The following PCDHGA7 variants were observed in gnomAD, a reference collection of about 807,000 sequenced individuals.
The protein encoded by PCDHGA7 is protocadherin gamma-A7.
Under a neutral mutation model 58.3 loss-of-function variants are expected in PCDHGA7, and 44 were observed. The observed-to-expected ratio is 0.75, with a 90% CI of 0.59 to 0.97. The LOEUF is 0.97. PCDHGA7 is among the 50% of genes least tolerant of loss of function. The pLI, the probability that PCDHGA7 is intolerant of heterozygous loss-of-function variation, is 0.00. For missense variants in PCDHGA7, 1,266 were observed against 1,188.7 expected, an observed-to-expected ratio of 1.06 and a Z score of -0.96; for synonymous variants, 516 against 504.2, an observed-to-expected ratio of 1.02 and a Z score of -0.31.
At chr5:141,438,630 A>ATG (rs2098034686) in intron 1 of PCDHGA7, among the ~76,000 whole-genome samples, 1 of 38,920 alleles carries the variant, frequency 2.6e-5, no homozygotes, top group Non-Finnish European at 4.2e-5. Flanking sequence ...ATATATATAT[A>ATG]TATATACACA....
chr5:141,502,634 T>C (rs1306951640), intron 2 of PCDHGA7, among the ~76,000 whole-genome samples: 1 of 152,228 alleles, frequency 6.6e-6, no homozygotes. Flanking sequence ...CTGTGGATGA[T>C]ACTTTGAGAT....
At chr5:141,452,421 C>A (rs1211472567) in intron 1 of PCDHGA7, among the ~76,000 whole-genome samples, 2 of 152,180 alleles carry the variant, frequency 1.3e-5, no homozygotes, top group Non-Finnish European at 2.9e-5. Context: ...ATGCTCACTG[C>A]TAATGGGCTG....
intron 1 of PCDHGA7, chr5:141,404,921 A>G: frequency 6.2e-7 from 1 of 1,613,804 alleles, no homozygotes; most frequent in South Asian, 1.1e-5. Context: ...TCTCTCGGCC[A>G]CTGTCACGCT....
Position 141,447,955 on chromosome 5 carries a change from G to A in PCDHGA7, c.2425-46852G>A, listed in dbSNP as rs536740280. On this transcript the variant is annotated intron_variant, in intron 1 of 3. Coordinates refer to ENST00000518325, the MANE Select transcript of PCDHGA7 (RefSeq NM_018920.4). ...ACAAAAATTAGCTGGGCATGGTGGC[G>A]GACACCTATAATCCCAGCTACTCGG... Among the ~76,000 whole-genome samples the A allele has an allele frequency of 1.6e-4, 24 of 151,898 alleles. 1 individual carries two copies. The highest frequency in any genetic ancestry group is 8.3e-4 in the South Asian group (4 of 4,816).
intron 1 of PCDHGA7, among the ~76,000 whole-genome samples, chr5:141,464,983 C>G (rs1294132264): frequency 6.6e-6 from 1 of 152,050 alleles, no homozygotes; most frequent in African/African-American, 2.4e-5. Flanking sequence ...TTCAAGTGAT[C>G]CTCCCACCTC....
chr5:141,488,040 G>A (rs1212272063), intron 1 of PCDHGA7, among the ~76,000 whole-genome samples: 1 of 152,112 alleles, frequency 6.6e-6, no homozygotes, highest in Non-Finnish European at 1.5e-5. Flanking sequence ...CATTTCCCAA[G>A]GGATTGAGGG....
At chr5:141,413,661 T>G (rs2095664313) in intron 1 of PCDHGA7, 1 of 1,613,886 alleles carries the variant, frequency 6.2e-7, no homozygotes. Flanking sequence ...CGGAAGCTAT[T>G]GATCCGGATG....
chr5:141,414,799 G>A, intron 1 of PCDHGA7: 1 of 1,614,214 alleles, frequency 6.2e-7, no homozygotes, highest in Non-Finnish European at 8.5e-7. Context: ...CAGCGACAGC[G>A]GGGATCCTCC....
At chr5:141,467,564 G>A (rs926613546) in intron 1 of PCDHGA7, among the ~76,000 whole-genome samples, 5 of 152,152 alleles carry the variant, frequency 3.3e-5, no homozygotes, top group Admixed American at 3.3e-4. Flanking sequence ...TTCCCAAATG[G>A]CTATCCAGTT....
At chr5:141,408,912 A>G (rs772751015) in intron 1 of PCDHGA7, 4 of 1,613,594 alleles carry the variant, frequency 2.5e-6, no homozygotes, top group Middle Eastern at 1.6e-4. Flanking sequence ...GATACCAATG[A>G]TAACCCCCCG....
At chr5:141,388,424 G>A (rs77505166) in intron 1 of PCDHGA7, 76,970 of 1,613,794 alleles carry the variant, frequency 0.048, 2,026 homozygotes, top group South Asian at 0.077. Context: ...ATTTCTCACT[G>A]ATAAATAAAG....
intron 1 of PCDHGA7, chr5:141,392,860 T>C (rs726684): frequency 6.2e-7 from 1 of 1,612,118 alleles, no homozygotes; most frequent in Non-Finnish European, 8.5e-7. Flanking sequence ...CTGATCCTGC[T>C]GTGCGCGCTG....
chr5:141,410,820 T>A (rs1032991309), intron 1 of PCDHGA7: 14 of 524,668 alleles, frequency 2.7e-5, no homozygotes, highest in Non-Finnish European at 4.1e-5. Context: ...TAAAATAATG[T>A]CACCAGACTG....
At chr5:141,394,557 G>T in intron 1 of PCDHGA7, 1 of 1,614,082 alleles carries the variant, frequency 6.2e-7, no homozygotes, top group South Asian at 1.1e-5. Context: ...GCCCCGCTCC[G>T]CAGAGCGTGG....
rs781651287 is a variant in PCDHGA7, at chr5:141,505,380, A to G, written c.2484-13A>G. ...CCTGGGAGTCTGTGCTCACCATCCT[A>G]CTCTCTCCCCAGCTCCCAAAATGGC... On this transcript the variant is annotated splice_polypyrimidine_tract_variant and intron_variant, in intron 2 of 3. Transcript: ENST00000518325. The G allele has an allele frequency of 4.3e-6, 7 of 1,613,362 alleles. No homozygotes were observed. The African/African-American group carries it at 5.4e-5, about 12-fold the overall frequency.
intron 1 of PCDHGA7, among the ~76,000 whole-genome samples, chr5:141,430,040 T>C (rs1449876504): frequency 1.3e-5 from 2 of 152,232 alleles, no homozygotes; most frequent in African/African-American, 2.4e-5. Flanking sequence ...ATTCTGATAA[T>C]GTATACAATC....
rs1199465212 is a variant in PCDHGA7, at chr5:141,384,303, G to A, written c.1404G>A (p.Gly468=). Reference sequence around the variant, plus strand: ...ACATCGCTGAGAACAACCCCAGAGGGGCCTCCATTTTCTTAGTGACTGCAC... The same window carrying A: ...ACATCGCTGAGAACAACCCCAGAGGAGCCTCCATTTTCTTAGTGACTGCAC... ...SVYIAENNPR[G]ASIFLVTAQD... Residue 468 remains glycine (G), a synonymous_variant, in exon 1 of 4, where the codon GGG becomes GGA. Transcript: ENST00000518325. 2 of 1,613,716 alleles carry A rather than the reference G, an allele frequency of 1.2e-6. No individual in the cohort carries two copies. The highest frequency in any genetic ancestry group is 4.5e-5 in the East Asian group (2 of 44,862).
rs1188707468 is a variant in PCDHGA7 at position 141,384,157 on chromosome 5, A to G, written c.1258A>G (p.Ile420Val). The G allele has an allele frequency of 8.7e-6, 14 of 1,613,580 alleles. No individual in the cohort carries two copies. The highest frequency in any genetic ancestry group is 1.1e-5 in the South Asian group (1 of 91,054). ...CCGGGAAACACTCTCTTTGTATAAC[A>G]TCACACTGAAAGCCACAGATGGTGG... ...LDRETLSLYNITLKATDGGTP... is the reference protein window; with the variant it reads ...LDRETLSLYNVTLKATDGGTP... The change falls in exon 1 of 4, where the codon ATC becomes GTC. Residue 420 changes from isoleucine to valine, a missense_variant. Coordinates refer to ENST00000518325, the MANE Select transcript of PCDHGA7 (RefSeq NM_018920.4).
chr5:141,428,199 C>T (rs760718878), intron 1 of PCDHGA7: 28 of 1,364,510 alleles, frequency 2.1e-5, no homozygotes, highest in Non-Finnish European at 2.9e-5. Flanking sequence ...CTCTCTGCGC[C>T]GCTACGCTTC....
Sources: allele counts gnomAD v4.1 joint callset (sites outside exome capture counted in the v4.1 genomes callset), GRCh38; gene constraint gnomAD v4.1.1; transcripts MANE v1.5; gene names NCBI Gene and HGNC (gene_info 2026-07-23, HGNC 2026-07-21).